Variants in CNTN4 observed in about 807,000 individuals in gnomAD.
The protein encoded by CNTN4 is contactin 4.
CNTN4 carries 77 observed loss-of-function variants against 122.5 expected under a neutral mutation model. That is an observed-to-expected ratio of 0.63 (90% CI 0.52 to 0.76). The LOEUF is 0.76. Among genes scored for constraint, CNTN4 ranks in the 30% least tolerant of loss-of-function variants. The pLI is 0.00. For synonymous variants in CNTN4, 512 were observed against 447.0 expected, an observed-to-expected ratio of 1.15 and a Z score of -1.83; for missense variants, 1,256 against 1,259.1, an observed-to-expected ratio of 1.00 and a Z score of 0.04.
chr3:2,192,334 AC>A, intron 2 of CNTN4, among the ~76,000 whole-genome samples: 1 of 152,024 alleles, frequency 6.6e-6, no homozygotes. Flanking sequence ...GAACTAGTTT[AC>A]AGTCCCACCA....
chr3:2,180,322 A>C (rs1392776474), intron 2 of CNTN4, among the ~76,000 whole-genome samples: 1 of 152,022 alleles, frequency 6.6e-6, no homozygotes. Flanking sequence ...CATTCTTCAC[A>C]ATAGTCTAGA....
intron 2 of CNTN4, among the ~76,000 whole-genome samples, chr3:2,206,595 GGAGT>G (rs1318997226): frequency 2.0e-5 from 3 of 152,006 alleles, no homozygotes; most frequent in East Asian, 3.9e-4. Flanking sequence ...AATGACTTTT[GGAGT>G]CGGTTTTGTT....
chr3:3,046,210 T>A (rs1700630563), intron 23 of CNTN4, among the ~76,000 whole-genome samples: 1 of 152,230 alleles, frequency 6.6e-6, no homozygotes, highest in Non-Finnish European at 1.5e-5. Context: ...CTCTGCAGGA[T>A]ATTATCCAGG....
intron 3 of CNTN4, among the ~76,000 whole-genome samples, chr3:2,546,883 C>T (rs540199334): frequency 1.3e-4 from 20 of 152,094 alleles, no homozygotes; most frequent in South Asian, 2.1e-4. Context: ...TCATTCCGAG[C>T]GGATGTTCTA....
chr3:2,600,305 A>T (rs979609991), intron 4 of CNTN4, among the ~76,000 whole-genome samples: 5 of 151,802 alleles, frequency 3.3e-5, no homozygotes, highest in Middle Eastern at 3.4e-3. Context: ...TGCACCCATT[A>T]ACTCGTCATT....
At chr3:2,512,987 C>G (rs912924666) in intron 3 of CNTN4, among the ~76,000 whole-genome samples, 3 of 152,136 alleles carry the variant, frequency 2.0e-5, no homozygotes, top group Non-Finnish European at 4.4e-5. Context: ...TACATGAGCA[C>G]AGGCATTTTC....
intron 4 of CNTN4, among the ~76,000 whole-genome samples, chr3:2,661,442 C>T (rs1168542895): frequency 1.3e-5 from 2 of 151,826 alleles, no homozygotes; most frequent in East Asian, 1.9e-4. Context: ...AAAACATGCT[C>T]GATGGATCAC....
At chr3:2,498,357 G>A (rs547917352) in intron 3 of CNTN4, among the ~76,000 whole-genome samples, 1 of 152,280 alleles carries the variant, frequency 6.6e-6, no homozygotes, top group East Asian at 1.9e-4. Context: ...TTTCCAGAGT[G>A]TCTCTATCAT....
chr3:2,756,762 G>A (rs1258297762), intron 6 of CNTN4, among the ~76,000 whole-genome samples: 2 of 152,186 alleles, frequency 1.3e-5, no homozygotes, highest in African/African-American at 2.4e-5. Flanking sequence ...TCCAGCAGGG[G>A]AAACCAGTGA....
intron 12 of CNTN4, among the ~76,000 whole-genome samples, chr3:2,903,765 A>G (rs540743228): frequency 2.6e-5 from 4 of 152,072 alleles, no homozygotes; most frequent in Non-Finnish European, 5.9e-5. Context: ...TGATCTTTCT[A>G]TCTTTTTCTT....
At chr3:2,112,932 CCT>C (rs1266436971) in intron 2 of CNTN4, among the ~76,000 whole-genome samples, 1 of 152,062 alleles carries the variant, frequency 6.6e-6, no homozygotes, top group Non-Finnish European at 1.5e-5. Context: ...AGTATTCTCC[CCT>C]GTTAGGTAAT....
intron 4 of CNTN4, among the ~76,000 whole-genome samples, chr3:2,610,996 C>T (rs1476953671): frequency 6.6e-6 from 1 of 151,980 alleles, no homozygotes; most frequent in East Asian, 1.9e-4. Flanking sequence ...TTTCATGTAA[C>T]GATACGATAC....
intron 3 of CNTN4, among the ~76,000 whole-genome samples, chr3:2,517,336 T>C (rs2077068760): frequency 6.6e-6 from 1 of 152,154 alleles, no homozygotes; most frequent in Non-Finnish European, 1.5e-5. Context: ...GGAAACTATA[T>C]AGCAGTTTTT....
chr3:2,371,403 C>T (rs2045629046), intron 3 of CNTN4, among the ~76,000 whole-genome samples: 1 of 152,176 alleles, frequency 6.6e-6, no homozygotes, highest in Non-Finnish European at 1.5e-5. Flanking sequence ...AACCCCAACC[C>T]CAATGCTCTG....
At chr3:2,382,130 C>A (rs183724437) in intron 3 of CNTN4, among the ~76,000 whole-genome samples, 2 of 151,678 alleles carry the variant, frequency 1.3e-5, no homozygotes, top group Non-Finnish European at 1.5e-5. Flanking sequence ...ATGGTATACA[C>A]CTTACTGAAC....
Position 2,548,528 on chromosome 3 carries a change from G to T in CNTN4, c.-88-22888G>T, listed in dbSNP as rs149149546. On this transcript the variant is annotated intron_variant, in intron 3 of 24. Transcript: ENST00000418658. ...CTGAGGCCTCTGTTCCATTCCATTGGTCTATATATCCTTTTTGTTACCAGT... is the reference window on the plus strand; with the variant it reads ...CTGAGGCCTCTGTTCCATTCCATTGTTCTATATATCCTTTTTGTTACCAGT... Among the ~76,000 whole-genome samples the T allele has an allele frequency of 1.3e-3, 196 of 152,118 alleles. 5 individuals carry two copies. In the East Asian group the frequency reaches 0.034, roughly 27 times the overall value.
rs957315581 is a variant in CNTN4 at position 2,107,910 on chromosome 3, A to G, written c.-145+7271A>G. ...ATTTGGCATACCCCTACCCAGGCAC[A>G]TAGAGCTCTCACTAAATTATAAACC... is the stretch of plus-strand genomic sequence containing the variant. On this transcript the variant is annotated intron_variant, in intron 2 of 24. Transcript: ENST00000418658. 7.9e-5 allele frequency among the ~76,000 whole-genome samples: 12 copies of G among 152,286 alleles called. No homozygotes were observed. The South Asian group carries it at 2.3e-3, about 29-fold the overall frequency.
At position 3,040,173 on chromosome 3, in the gene CNTN4, T is replaced by C; in HGVS notation, c.2300T>C (p.Val767Ala). The C allele has an allele frequency of 6.2e-7, 1 of 1,614,172 alleles. No homozygotes were observed. Among genetic ancestry groups the C allele is most frequent in the Non-Finnish European group, 8.5e-7 (1 of 1,180,006 alleles). The change falls in exon 20 of 25, where the codon GTG (valine) becomes GCG (alanine). Residue 767 changes from valine to alanine, a missense_variant. Physicochemically the swap from Val to Ala is moderately conservative, Grantham distance 64. Coordinates refer to ENST00000418658, the MANE Select transcript of CNTN4 (RefSeq NM_175607.3). ...AGATACGTGTTCAGGAATGAGAGCG[T>C]GCACCCCTTCTCTCCCTTTGAGGTT... ...ASRYVFRNES[V>A]HPFSPFEVKV...
At chr3:2,201,738 A>G (rs1217483498) in intron 2 of CNTN4, among the ~76,000 whole-genome samples, 1 of 152,132 alleles carries the variant, frequency 6.6e-6, no homozygotes, top group East Asian at 1.9e-4. Flanking sequence ...CGCTGCTGGC[A>G]AAAAAGGATA....
Sources: gnomAD v4.1 joint callset for allele counts (sites outside exome capture counted in the v4.1 genomes callset) on GRCh38, gnomAD v4.1.1 for gene constraint, MANE v1.5 for transcripts, NCBI Gene and HGNC (gene_info 2026-07-23, HGNC 2026-07-21) for gene names.